PIGO: variants seen among roughly 807,000 people sequenced by gnomAD.
PIGO encodes GPI ethanolamine phosphate transferase 3, catalytic subunit.
PIGO carries 66 observed loss-of-function variants against 86.9 expected under a neutral mutation model. That is an observed-to-expected ratio of 0.76 (90% CI 0.62 to 0.93). The LOEUF (loss-of-function observed/expected upper bound fraction) is 0.93. Ranked by LOEUF, PIGO falls within the 40% of genes least tolerant of loss-of-function variation. The pLI is 0.00. For synonymous variants in PIGO, 570 were observed against 556.4 expected (o/e 1.02, Z -0.34); for missense variants, 1,202 against 1,359.1 (o/e 0.88, Z 1.82).
rs1419558349 is a variant in PIGO at position 35,091,506 on chromosome 9, T to C, written c.2381A>G (p.Asp794Gly). ...SGPPTSQADL[D>G]YVVPQIYRHM... The stretch of plus-strand genomic sequence containing the variant: ...TCGGTAGATTTGAGGGACCACATAA[T>C]CCAAGTCAGCTTGAGAAGTGGGGGG... Residue 794 changes from aspartate (D) to glycine (G), a missense_variant, in exon 7 of 11, where the codon GAT becomes GGT. Coordinates refer to ENST00000378617, the MANE Select transcript of PIGO (RefSeq NM_032634.4). 1 of 1,613,988 alleles carries C rather than the reference T, an allele frequency of 6.2e-7. No homozygotes were observed. The highest frequency in any genetic ancestry group is 2.2e-5 in the East Asian group (1 of 44,870).
At position 35,090,115 on chromosome 9, in the gene PIGO, G is replaced by C; in HGVS notation, c.3020C>G (p.Ala1007Gly). ...CTTGAGGCCCAGCTGCAGCAGTGCT[G>C]CATAGAAGTGCTGAGGCGCATCCCG... ...RLRDAPQHFY[A>G]ALLQLGLKYL... Residue 1007 changes from alanine to glycine, a missense_variant, in exon 9 of 11, where the codon GCA becomes GGA. Coordinates refer to ENST00000378617, the MANE Select transcript of PIGO (RefSeq NM_032634.4). The C allele has an allele frequency of 4.3e-6, 7 of 1,614,260 alleles. No homozygotes were observed. The highest frequency in any genetic ancestry group is 5.1e-6 in the Non-Finnish European group (6 of 1,180,040).
chr9:35,095,961 A>C, intron 1 of PIGO, 194 bp downstream of exon 1: 1 of 188,804 alleles, frequency 5.3e-6, no homozygotes, highest in Non-Finnish European at 1.1e-5. Flanking sequence ...CCGAGATTGA[A>C]CCACTGCACT....
At position 35,092,140 on chromosome 9, in the gene PIGO, G is replaced by C. The variant is rs778946017; in HGVS notation, c.1747C>G (p.Leu583Val). 1 of 1,614,250 alleles carries C rather than the reference G, an allele frequency of 6.2e-7. No homozygotes were observed. ...TPFLLGSFILLLVVQLHWEGQ... is the reference protein window; with the variant it reads ...TPFLLGSFILVLVVQLHWEGQ... Reference sequence around the variant, plus strand: ...TCCCAGTGAAGCTGGACAACCAGGAGCAGGATGAATGAGCCCAAAAGGAAG... The same window carrying C: ...TCCCAGTGAAGCTGGACAACCAGGACCAGGATGAATGAGCCCAAAAGGAAG... Residue 583 changes from leucine (L) to valine (V), a missense_variant, in exon 7 of 11, where the codon CTC (leucine) becomes GTC (valine). Transcript: ENST00000378617.
intron 9 of PIGO, 136 bp downstream of exon 9, chr9:35,089,930 G>A (rs946390367): frequency 3.7e-5 from 53 of 1,442,788 alleles, no homozygotes; most frequent in Middle Eastern, 2.1e-4. Context: ...GCCATTTGAG[G>A]CCACTGGGCT....
Position 35,095,076 on chromosome 9 carries a change from T to C in PIGO, c.490A>G (p.Ile164Val), listed in dbSNP as rs1425816362. 1.2e-6 allele frequency: 2 copies of C among 1,606,204 alleles called. No homozygotes were observed. The highest frequency in any genetic ancestry group is 1.3e-5 in the African/African-American group (1 of 74,814). Residue 164 changes from isoleucine to valine, a missense_variant, in exon 2 of 11, where the codon ATT becomes GTT. Physicochemically the swap from Ile to Val is conservative, Grantham distance 29 (BLOSUM62 3). Transcript: ENST00000378617. Reference sequence around the variant, plus strand: ...TGACCTGCACTGGTGAGCTGCTTAATGAGATTGTCTTCCACTATGGCGTGG... The same window carrying C: ...TGACCTGCACTGGTGAGCTGCTTAACGAGATTGTCTTCCACTATGGCGTGG... ...ASHAIVEDNL[I>V]KQLTSAGRRV...
chr9:35,093,198 C>T lies in PIGO; in HGVS notation c.951G>A (p.Val317=). Reference sequence around the variant, plus strand: ...TGGGCACAAGGCTAACTTGAGGAATCACCTCTGGCTCCTAAAGGAAAATGA... The same window carrying T: ...TGGGCACAAGGCTAACTTGAGGAATTACCTCTGGCTCCTAAAGGAAAATGA... ...FPSTPPEEPE[V]IPQVSLVPTL... Residue 317 remains valine (V), a synonymous_variant, in exon 6 of 11, where the codon GTG becomes GTA. Transcript: ENST00000378617. 6.2e-7 allele frequency: 1 copy of T among 1,612,072 alleles called. No individual in the cohort carries two copies.
rs915258177 is a variant in PIGO at position 35,092,376 on chromosome 9, A to G, written c.1511T>C (p.Ile504Thr). 11 of 1,614,250 alleles carry G rather than the reference A, an allele frequency of 6.8e-6. No homozygotes were observed. The East Asian group carries it at 1.6e-4, about 23-fold the overall frequency. Residue 504 changes from isoleucine (I) to threonine (T), a missense_variant, in exon 7 of 11, where the codon ATT becomes ACT. Transcript: ENST00000378617. ...AAGCACTAGATCTAGCTTCAGCTCA[A>G]TAGTTCCCAGGAGTCCAGCATACGC... ...AIAYAGLLGT[I>T]ELKLDLVLLG...
rs558371613 is a variant in PIGO, at chr9:35,092,166, G to T, written c.1721C>A (p.Pro574His). 1 of 1,614,212 alleles carries T rather than the reference G, an allele frequency of 6.2e-7. No individual in the cohort carries two copies. Among genetic ancestry groups the T allele is most frequent in the Non-Finnish European group, 8.5e-7 (1 of 1,180,038 alleles). Residue 574 changes from proline (P) to histidine (H), a missense_variant, in exon 7 of 11, where the codon CCC (proline) becomes CAC (histidine). By Grantham distance (77) the Pro-to-His change is moderately conservative. Coordinates refer to ENST00000378617, the MANE Select transcript of PIGO (RefSeq NM_032634.4). ...SFVVAEARAT[P>H]FLLGSFILLL... is the part of the protein sequence containing the mutation. ...CAGGATGAATGAGCCCAAAAGGAAG[G>T]GGGTGGCCCTGGCCTCAGCTACAAC...
rs755794765 is a variant in PIGO at position 35,093,392 on chromosome 9, G to C, written c.939+29C>G. The C allele has an allele frequency of 1.4e-5, 22 of 1,613,508 alleles. No individual in the cohort carries two copies. The Middle Eastern group carries it at 8.2e-4, about 60-fold the overall frequency. On this transcript the variant is annotated intron_variant, in intron 5 of 10. Coordinates refer to ENST00000378617, the MANE Select transcript of PIGO (RefSeq NM_032634.4). ...TGGTAACATGGGCTGATTACTGGGA[G>C]AACAGATGAGGAACATCCCAGGCCT...
chr9:35,092,909 G>A, intron 6 of PIGO, 121 bp downstream of exon 6: 16 of 1,386,074 alleles, frequency 1.2e-5, no homozygotes, highest in East Asian at 2.4e-5. Context: ...GAGGGATAAC[G>A]GAAGAGGGAT....
At chr9:35,093,793 G>A (rs950692624) in intron 4 of PIGO, 108 bp downstream of exon 4, 2 of 1,517,906 alleles carry the variant, frequency 1.3e-6, no homozygotes, top group Admixed American at 4.2e-5. Context: ...AGCTTCAGCA[G>A]AAGGCCTAGA....
chr9:35,090,757 C>G lies in PIGO; in HGVS notation c.2648-85G>C. 4.6e-6 allele frequency: 6 copies of G among 1,305,418 alleles called. No individual in the cohort carries two copies. In the South Asian group the frequency reaches 8.3e-5, roughly 18 times the overall value. 80.9% of individuals were successfully genotyped at this position (1,305,418 alleles called of 1,614,324 possible). On this transcript the variant is annotated intron_variant, in intron 7 of 10. Coordinates refer to ENST00000378617, the MANE Select transcript of PIGO (RefSeq NM_032634.4). The stretch of plus-strand genomic sequence containing the variant: ...GCTCCACAATCATATACTCCTACTA[C>G]TTCAGTATCAATTCTCATACACACT...
Position 35,090,881 on chromosome 9 carries a change from T to C in PIGO, c.2648-209A>G. On this transcript the variant is annotated intron_variant, in intron 7 of 10. Coordinates refer to ENST00000378617, the MANE Select transcript of PIGO (RefSeq NM_032634.4). ...CATCAGGCTTATCTGAATCCTGCTA[T>C]GGCCAATCTCTTTCTTTCTCTCAAA... 1.2e-5 allele frequency: 7 copies of C among 599,106 alleles called. No individual in the cohort carries two copies. The South Asian group carries it at 1.5e-4, about 13-fold the overall frequency. The allele number at this position is 599,106 out of a possible 1,614,324, so 37.1% of individuals were successfully genotyped here.
Position 35,091,768 on chromosome 9 carries a change from C to T in PIGO, c.2119G>A (p.Gly707Arg), listed in dbSNP as rs1013394440. Residue 707 changes from glycine (G) to arginine (R), a missense_variant, in exon 7 of 11, where the codon GGA (glycine) becomes AGA (arginine). Physicochemically the swap from Gly to Arg is moderately radical, Grantham distance 125. Coordinates refer to ENST00000378617, the MANE Select transcript of PIGO (RefSeq NM_032634.4). Reference sequence around the variant, plus strand: ...GTACCCAATGCCATTAGGGGCAGTCCCCAGCGCACAAAGAGCATGGGTGGC... The same window carrying T: ...GTACCCAATGCCATTAGGGGCAGTCTCCAGCGCACAAAGAGCATGGGTGGC... ...PEPPMLFVRW[G>R]LPLMALGTAA... 7 of 1,612,106 alleles carry T rather than the reference C, an allele frequency of 4.3e-6. No individual in the cohort carries two copies. Among genetic ancestry groups the T allele is most frequent in the Non-Finnish European group, 5.9e-6 (7 of 1,180,042 alleles).
At position 35,093,577 on chromosome 9, in the gene PIGO, T is replaced by A. The variant is rs1314087251; in HGVS notation, c.783A>T (p.Gly261=). ...TGTCATTCTCCAGACGCTCCACAAG[T>A]CCCCTGGGGGCCAATAAATGTGTCA... is the stretch of plus-strand genomic sequence containing the variant. ...KLSQMDQVIQ[G]LVERLENDTL... is the part of the protein sequence containing the mutation. The change falls in exon 5 of 11, where the codon GGA becomes GGT. Residue 261 remains glycine, a synonymous_variant. Coordinates refer to ENST00000378617, the MANE Select transcript of PIGO (RefSeq NM_032634.4). 1.2e-6 allele frequency: 2 copies of A among 1,603,724 alleles called. No individual in the cohort carries two copies. The highest frequency in any genetic ancestry group is 1.7e-6 in the Non-Finnish European group (2 of 1,175,520).
In PIGO at chr9:35,095,212, G is replaced by A; in HGVS notation, c.354C>T (p.Ala118=). ...GGTCAACCTGAGATCGGTAGAGCCG[G>A]GCATGGTGGGGCTGAATCTCCAGGA... ...QRILEIQPHH[A]RLYRSQVDPP... Residue 118 remains alanine, a synonymous_variant, in exon 2 of 11, where the codon GCC becomes GCT. Transcript: ENST00000378617. 1 of 1,614,202 alleles carries A rather than the reference G, an allele frequency of 6.2e-7. No homozygotes were observed. The highest frequency in any genetic ancestry group is 8.5e-7 in the Non-Finnish European group (1 of 1,180,036).
Position 35,088,901 on chromosome 9 carries a change from G to C in PIGO, c.*191C>G. On this transcript the variant is annotated 3_prime_UTR_variant, in exon 11 of 11. Transcript: ENST00000378617. ...TGTCCCTCAGATGCATCCAAATCAG[G>C]AGTTAGGGATCATACTCCACTGTGG... The C allele has an allele frequency of 2.6e-6, 2 of 761,350 alleles. No homozygotes were observed. The highest frequency in any genetic ancestry group is 2.8e-5 in the East Asian group (1 of 35,432). 47.2% of individuals were successfully genotyped at this position (761,350 alleles called of 1,614,324 possible).
In PIGO at chr9:35,093,468, G is replaced by A; in HGVS notation, c.892C>T (p.Leu298Phe). 3 of 1,614,162 alleles carry A rather than the reference G, an allele frequency of 1.9e-6. No homozygotes were observed. Among genetic ancestry groups the A allele is most frequent in the East Asian group, 2.2e-5 (1 of 44,888 alleles). ...ACTGCTGTGGGGCTATACAGAAAGA[G>A]AGCAGCTGAGACCTCCAGCTCACTG... ...GDSELEVSAA[L>F]FLYSPTAVFP... is the part of the protein sequence containing the mutation. The change falls in exon 5 of 11, where the codon CTC (leucine) becomes TTC (phenylalanine). Residue 298 changes from leucine (L) to phenylalanine (F), a missense_variant. Physicochemically the swap from Leu to Phe is conservative, Grantham distance 22. Coordinates refer to ENST00000378617, the MANE Select transcript of PIGO (RefSeq NM_032634.4).
At position 35,092,243 on chromosome 9, in the gene PIGO, G is replaced by A. The variant is rs776953036; in HGVS notation, c.1644C>T (p.Pro548=). The change falls in exon 7 of 11, where the codon CCC becomes CCT. Residue 548 remains proline (P), a synonymous_variant. Transcript: ENST00000378617. Reference sequence around the variant, plus strand: ...AGCGAAACAGCAGGAGTAACAGGACGGGCCCAGGGATGGGAAACAGGGTTG... The same window carrying A: ...AGCGAAACAGCAGGAGTAACAGGACAGGCCCAGGGATGGGAAACAGGGTTG... ...PLATLFPIPG[P]VLLLLLFRLA... is the part of the protein sequence containing the mutation. 24 of 1,614,082 alleles carry A rather than the reference G, an allele frequency of 1.5e-5. No homozygotes were observed. The highest frequency in any genetic ancestry group is 3.3e-5 in the Admixed American group (2 of 59,994).
Sources: allele counts gnomAD v4.1 joint callset, GRCh38; gene constraint gnomAD v4.1.1; transcripts MANE v1.5; gene names NCBI Gene and HGNC (gene_info 2026-07-23, HGNC 2026-07-21).